Variants in KCNQ5 observed in about 807,000 individuals in gnomAD.
KCNQ5 encodes potassium voltage-gated channel subfamily KQT member 5.
KCNQ5 carries 30 observed loss-of-function variants against 98.2 expected under a neutral mutation model. That is an observed-to-expected ratio of 0.31 (90% confidence interval 0.23 to 0.41). The LOEUF (loss-of-function observed/expected upper bound fraction) is 0.41. Among genes scored for constraint, KCNQ5 ranks in the 10% least tolerant of loss-of-function variants. KCNQ5 has a pLI of 1.00. For synonymous variants in KCNQ5, 458 were observed against 449.4 expected, an observed-to-expected ratio of 1.02 and a Z score of -0.24; for missense variants, 835 against 1,182.5, an observed-to-expected ratio of 0.71 and a Z score of 4.31.
chr6:73,077,036 C>T (rs982618654), intron 3 of KCNQ5, among the ~76,000 whole-genome samples: 2 of 152,100 alleles, frequency 1.3e-5, no homozygotes, highest in African/African-American at 4.8e-5. Flanking sequence ...ACACCATTGT[C>T]CAATCTGTTG....
At chr6:72,941,889 A>G (rs1027099964) in intron 1 of KCNQ5, among the ~76,000 whole-genome samples, 1 of 152,096 alleles carries the variant, frequency 6.6e-6, no homozygotes, top group Admixed American at 6.6e-5. Flanking sequence ...TCATCAGATT[A>G]CCTCATTAAT....
intron 1 of KCNQ5, among the ~76,000 whole-genome samples, chr6:72,921,326 A>C (rs1446372478): frequency 1.3e-5 from 2 of 152,212 alleles, no homozygotes; most frequent in Admixed American, 1.3e-4. Flanking sequence ...GAAGAAAGAC[A>C]CAGAAATAAG....
intron 1 of KCNQ5, among the ~76,000 whole-genome samples, chr6:72,721,909 G>C (rs1001447997): frequency 6.6e-6 from 1 of 152,152 alleles, no homozygotes; most frequent in South Asian, 2.1e-4. Context: ...TCTGGGAATA[G>C]GGTACCTTAT....
chr6:72,791,192 A>C (rs1774020177), intron 1 of KCNQ5, among the ~76,000 whole-genome samples: 1 of 152,200 alleles, frequency 6.6e-6, no homozygotes, highest in Non-Finnish European at 1.5e-5. Context: ...GGAGGAGCTA[A>C]ATGCCTGAGA....
At chr6:72,835,867 C>G (rs537676634) in intron 1 of KCNQ5, among the ~76,000 whole-genome samples, 1 of 152,262 alleles carries the variant, frequency 6.6e-6, no homozygotes, top group East Asian at 1.9e-4. Context: ...TTATTTACAT[C>G]TATTGTGTCT....
At chr6:72,764,221 T>G (rs765300684) in intron 1 of KCNQ5, among the ~76,000 whole-genome samples, 23 of 151,928 alleles carry the variant, frequency 1.5e-4, no homozygotes, top group Non-Finnish European at 3.1e-4. Flanking sequence ...GATTCTAAAT[T>G]GTACTCATTT....
At chr6:73,190,300 C>A (rs1765544983) in intron 11 of KCNQ5, among the ~76,000 whole-genome samples, 1 of 152,188 alleles carries the variant, frequency 6.6e-6, no homozygotes, top group Admixed American at 6.5e-5. Context: ...AACTTACATT[C>A]AGGGTTTCAA....
At chr6:72,650,799 C>T (rs2154472382) in intron 1 of KCNQ5, among the ~76,000 whole-genome samples, 1 of 152,164 alleles carries the variant, frequency 6.6e-6, no homozygotes, top group Non-Finnish European at 1.5e-5. Context: ...TATTCCTAGC[C>T]TTCACGTGGT....
At chr6:72,776,135 A>G (rs948788942) in intron 1 of KCNQ5, among the ~76,000 whole-genome samples, 1 of 152,188 alleles carries the variant, frequency 6.6e-6, no homozygotes, top group Admixed American at 6.5e-5. Flanking sequence ...TCCAAAATTA[A>G]AAGTGTATTT....
chr6:72,726,274 G>C (rs1194273475), intron 1 of KCNQ5, among the ~76,000 whole-genome samples: 1 of 148,660 alleles, frequency 6.7e-6, no homozygotes, highest in African/African-American at 2.5e-5. Context: ...GCAGTGGCGC[G>C]ATCTCGGCTC....
intron 1 of KCNQ5, among the ~76,000 whole-genome samples, chr6:72,696,148 T>C (rs7758797): frequency 0.12 from 18,870 of 152,154 alleles, 2,238 homozygotes; most frequent in African/African-American, 0.32. Flanking sequence ...CTCTTACACA[T>C]GTGCACAAAG....
At chr6:72,972,436 A>C (rs1350449350) in intron 1 of KCNQ5, among the ~76,000 whole-genome samples, 2 of 151,998 alleles carry the variant, frequency 1.3e-5, no homozygotes, top group East Asian at 3.9e-4. Flanking sequence ...ACATAGGTAT[A>C]TGTGTGCCAT....
rs2098915616 is a variant in KCNQ5 at position 72,622,289 on chromosome 6, A to G, written c.100A>G (p.Ser34Gly). 1 of 1,294,918 alleles carries G rather than the reference A, an allele frequency of 7.7e-7. No individual in the cohort carries two copies. The highest frequency in any genetic ancestry group is 3.0e-5 in the East Asian group (1 of 33,304). The allele number at this position is 1,294,918 out of a possible 1,614,324, so 80.2% of individuals were successfully genotyped here. The change falls in exon 1 of 14, where the codon AGC becomes GGC. Residue 34 changes from serine to glycine, a missense_variant. By Grantham distance (56) the Ser-to-Gly change is moderately conservative. Transcript: ENST00000370398. This position sits in a 1 kb window ranked among gnomAD's most constrained non-coding sequence, Gnocchi z 6.0. ...GGCGGCGGGCGGGGGGCGCTTGGGCAGCGGCATGAAGGATGTGGAGTCCGG... is the reference window on the plus strand; with the variant it reads ...GGCGGCGGGCGGGGGGCGCTTGGGCGGCGGCATGAAGGATGTGGAGTCCGG... ...AAAAGGGRLG[S>G]GMKDVESGRG...
chr6:72,949,108 C>T (rs1438258189), intron 1 of KCNQ5, among the ~76,000 whole-genome samples: 2 of 152,116 alleles, frequency 1.3e-5, no homozygotes, highest in African/African-American at 4.8e-5. Context: ...AAAACTCAGA[C>T]ACAACATCTT....
At chr6:72,700,936 A>G (rs146670990) in intron 1 of KCNQ5, among the ~76,000 whole-genome samples, 23 of 152,332 alleles carry the variant, frequency 1.5e-4, no homozygotes, top group Middle Eastern at 3.4e-3. Flanking sequence ...GAATCATCAG[A>G]TACCCTGTAA....
intron 1 of KCNQ5, chr6:72,677,246 C>T: frequency 6.6e-6 from 1 of 152,170 alleles, no homozygotes; most frequent in East Asian, 1.9e-4. Context: ...AGATACTGTC[C>T]TCCAGAAACA....
chr6:72,915,045 G>A (rs1780078107), intron 1 of KCNQ5, among the ~76,000 whole-genome samples: 1 of 151,944 alleles, frequency 6.6e-6, no homozygotes, highest in South Asian at 2.1e-4. Flanking sequence ...AATAATACAA[G>A]AACCAGAACA....
intron 10 of KCNQ5, among the ~76,000 whole-genome samples, chr6:73,169,327 G>A (rs1777919757): frequency 6.6e-6 from 1 of 152,140 alleles, no homozygotes; most frequent in South Asian, 2.1e-4. Context: ...AAGGCTAATG[G>A]GGTCAGTGTC....
intron 1 of KCNQ5, among the ~76,000 whole-genome samples, chr6:72,738,178 G>A (rs1213924437): frequency 2.0e-5 from 3 of 151,938 alleles, no homozygotes; most frequent in Non-Finnish European, 4.4e-5. Context: ...TGTTACTTAT[G>A]GTTTGGGTGA....
Sources: allele counts gnomAD v4.1 joint callset (sites outside exome capture counted in the v4.1 genomes callset), GRCh38; gene constraint gnomAD v4.1.1; non-coding constraint Gnocchi (gnomAD v3.1); transcripts MANE v1.5; gene names NCBI Gene and HGNC (gene_info 2026-07-23, HGNC 2026-07-21).